Variants in PRMT9 observed in about 807,000 individuals in gnomAD.
PRMT9 encodes the protein protein arginine methyltransferase 9.
In PRMT9, 59 loss-of-function variants were observed where a neutral mutation model predicts 83.2. That is an observed-to-expected ratio of 0.71 (90% CI 0.57 to 0.88). The LOEUF (loss-of-function observed/expected upper bound fraction) is 0.88, where lower values mean the gene tolerates loss of function less well. PRMT9 is among the 40% of genes least tolerant of loss of function. The pLI, the probability that PRMT9 is intolerant of heterozygous loss-of-function variation, is 0.00. For missense variants in PRMT9, 947 were observed against 1,021.9 expected (o/e 0.93, Z 1.00); for synonymous variants, 333 against 353.2 (o/e 0.94, Z 0.64).
intron 9 of PRMT9, among the ~76,000 whole-genome samples, chr4:147,645,455 T>C (rs1231362677): frequency 6.6e-6 from 1 of 152,172 alleles, no homozygotes; most frequent in African/African-American, 2.4e-5. Flanking sequence ...GCACTATATA[T>C]TATATAATAG....
intron 9 of PRMT9, among the ~76,000 whole-genome samples, chr4:147,649,949 G>A (rs550710315): frequency 6.6e-6 from 1 of 152,286 alleles, no homozygotes; most frequent in Admixed American, 6.5e-5. Flanking sequence ...CTCAATGGAC[G>A]CAGAAAAAGC....
At chr4:147,639,496 A>G (rs1449725398) in intron 10 of PRMT9, among the ~76,000 whole-genome samples, 2 of 152,184 alleles carry the variant, frequency 1.3e-5, no homozygotes, top group Non-Finnish European at 2.9e-5. Context: ...CAATCAAACA[A>G]TAGTTGATTT....
Position 147,684,029 on chromosome 4 carries a change from A to T in PRMT9, c.-42T>A. On this transcript the variant is annotated 5_prime_UTR_variant, in exon 1 of 12. Transcript: ENST00000322396. Reference sequence around the variant, plus strand: ...ATGGCCAAAGGGAAGATATTTTGTAAACGTAATTAGAAAACTCTCTCGATG... The same window carrying T: ...ATGGCCAAAGGGAAGATATTTTGTATACGTAATTAGAAAACTCTCTCGATG... 1.3e-6 allele frequency: 2 copies of T among 1,591,512 alleles called. No homozygotes were observed. The highest frequency in any genetic ancestry group is 1.7e-6 in the Non-Finnish European group (2 of 1,165,954).
chr4:147,658,394 T>C (rs907851633), intron 7 of PRMT9, among the ~76,000 whole-genome samples: 1 of 151,966 alleles, frequency 6.6e-6, no homozygotes. Flanking sequence ...TGTGTGTGTG[T>C]GTACAGAAAA....
In PRMT9 at chr4:147,642,883, C is replaced by G; in HGVS notation, c.2103G>C (p.Leu701Phe). The G allele has an allele frequency of 6.2e-7, 1 of 1,614,040 alleles. No individual in the cohort carries two copies. The highest frequency in any genetic ancestry group is 1.1e-5 in the South Asian group (1 of 91,086). The change falls in exon 10 of 12, where the codon TTG becomes TTC. Residue 701 changes from leucine to phenylalanine, a missense_variant. Coordinates refer to ENST00000322396, the MANE Select transcript of PRMT9 (RefSeq NM_138364.4). ...CTAGGAGTGTCTGTGATTCCACAAG[C>G]AACCCAAACATCAGCACATACTGAG... ...IFPQYVLMFG[L>F]LVESQTLLEE... is the part of the protein sequence containing the mutation.
intron 1 of PRMT9, among the ~76,000 whole-genome samples, chr4:147,683,346 T>C (rs1331864838): frequency 2.6e-5 from 4 of 152,198 alleles, no homozygotes; most frequent in Non-Finnish European, 5.9e-5. Flanking sequence ...TTGACTTTTG[T>C]TGCAAAAAGC....
At position 147,680,316 on chromosome 4, in the gene PRMT9, T is replaced by C; in HGVS notation, c.338+7A>G. The C allele has an allele frequency of 1.2e-6, 2 of 1,613,716 alleles. No homozygotes were observed. Among genetic ancestry groups the C allele is most frequent in the Non-Finnish European group, 1.7e-6 (2 of 1,179,626 alleles). ...TCTTAACAAGTAATACTAAAATCAC[T>C]ACAAACCTGAAGAGATGCTCCCCCA... On this transcript the variant is annotated splice_region_variant and intron_variant, in intron 2 of 11. Transcript: ENST00000322396.
intron 1 of PRMT9, among the ~76,000 whole-genome samples, chr4:147,683,485 A>G (rs1293279747): frequency 6.6e-6 from 1 of 152,204 alleles, no homozygotes; most frequent in Non-Finnish European, 1.5e-5. Flanking sequence ...TTCTGGACAT[A>G]TTTCGAAGGT....
intron 6 of PRMT9, among the ~76,000 whole-genome samples, chr4:147,661,561 C>T (rs990243872): frequency 2.0e-5 from 3 of 151,988 alleles, no homozygotes; most frequent in Admixed American, 6.5e-5. Flanking sequence ...GAGGCCAAGG[C>T]GGGTGGATCA....
intron 2 of PRMT9, among the ~76,000 whole-genome samples, chr4:147,677,600 C>T (rs945305384): frequency 5.3e-5 from 8 of 151,802 alleles, no homozygotes; most frequent in East Asian, 1.9e-4. Context: ...ACTACAGACA[C>T]GTGCCACCAC....
At chr4:147,674,002 G>T (rs1735907178) in intron 2 of PRMT9, 128 bp from the exon 3 acceptor site, 1 of 756,960 alleles carries the variant, frequency 1.3e-6, no homozygotes, top group African/African-American at 1.7e-5. Context: ...CAATCCAAGT[G>T]CTACCTCTTT....
intron 9 of PRMT9, among the ~76,000 whole-genome samples, chr4:147,652,986 TATAAATAG>T (rs1430232830): frequency 1.3e-5 from 2 of 152,198 alleles, no homozygotes; most frequent in African/African-American, 2.4e-5. Flanking sequence ...CATGATTTTA[TATAAATAG>T]ATAAATTAAA....
At chr4:147,659,844 G>A (rs529806442) in intron 7 of PRMT9, among the ~76,000 whole-genome samples, 1 of 152,198 alleles carries the variant, frequency 6.6e-6, no homozygotes, top group African/African-American at 2.4e-5. Flanking sequence ...GCCTCCCAAA[G>A]TGCTGGGAGG....
chr4:147,683,053 G>C (rs1337441495), intron 1 of PRMT9, among the ~76,000 whole-genome samples: 1 of 152,110 alleles, frequency 6.6e-6, no homozygotes, highest in Non-Finnish European at 1.5e-5. Context: ...CTTCAAAAAA[G>C]AACAGCATTT....
At chr4:147,647,101 T>C (rs923849425) in intron 9 of PRMT9, among the ~76,000 whole-genome samples, 1 of 152,042 alleles carries the variant, frequency 6.6e-6, no homozygotes, top group Non-Finnish European at 1.5e-5. Flanking sequence ...AGGTTAGGAT[T>C]ATGGGAGGAG....
At position 147,665,330 on chromosome 4, in the gene PRMT9, T is replaced by C. The variant is rs899184976; in HGVS notation, c.953+3209A>G. Among the ~76,000 whole-genome samples, 3 of 152,318 alleles carry C rather than the reference T, an allele frequency of 2.0e-5. No homozygotes were observed. In the East Asian group the frequency reaches 5.8e-4, roughly 29 times the overall value. ...ATTTTTTCTATACTATTAGTTGGCA[T>C]TTACTGTAAGGACGAGCTGTACTTT... On this transcript the variant is annotated intron_variant, in intron 6 of 11. Transcript: ENST00000322396.
chr4:147,673,948 A>C (rs566812413), intron 2 of PRMT9, 74 bp from the exon 3 acceptor site: 1 of 1,221,070 alleles, frequency 8.2e-7, no homozygotes, highest in African/African-American at 1.5e-5. Flanking sequence ...TGTTTATGCC[A>C]CTCACTTGGC....
In PRMT9 at chr4:147,637,942, CT is replaced by C. The variant is rs1733124629; in HGVS notation, c.*589del. The C allele has an allele frequency of 6.6e-6, 1 of 152,342 alleles. No homozygotes were observed. Among genetic ancestry groups the C allele is most frequent in the South Asian group, 2.1e-4 (1 of 4,836 alleles). The allele number at this position is 152,342 out of a possible 1,614,324, so 9.4% of individuals were successfully genotyped here. A position where few individuals can be genotyped will look rare whatever the true frequency, so the allele number is the denominator to read the frequency against. On this transcript the variant is annotated 3_prime_UTR_variant, in exon 12 of 12. Coordinates refer to ENST00000322396, the MANE Select transcript of PRMT9 (RefSeq NM_138364.4). ...GTTTTGTTACCAGCTTTTAAATGTTCTTTTGCCAAAGTAGACCAAGAAAAAT... is the reference window on the plus strand; with the variant it reads ...GTTTTGTTACCAGCTTTTAAATGTTCTTTGCCAAAGTAGACCAAGAAAAAT...
Position 147,668,562 on chromosome 4 carries a change from A to G in PRMT9, c.930T>C (p.Cys310=). Residue 310 remains cysteine, a synonymous_variant, in exon 6 of 12, where the codon TGT becomes TGC. Coordinates refer to ENST00000322396, the MANE Select transcript of PRMT9 (RefSeq NM_138364.4). ...SAVIFGMAVE[C]AEIRRHHRVG... ...ACCTATGATGTCTTCTTATCTCTGC[A>G]CATTCTACTGCCATCCCAAATATAA... 6.2e-7 allele frequency: 1 copy of G among 1,606,078 alleles called. No individual in the cohort carries two copies. Among genetic ancestry groups the G allele is most frequent in the Non-Finnish European group, 8.5e-7 (1 of 1,173,534 alleles).
Sources: gnomAD v4.1 joint callset for allele counts (sites outside exome capture counted in the v4.1 genomes callset) on GRCh38, gnomAD v4.1.1 for gene constraint, MANE v1.5 for transcripts, NCBI Gene and HGNC (gene_info 2026-07-23, HGNC 2026-07-21) for gene names.